PPP1R12A: variants seen among roughly 807,000 people sequenced by gnomAD.
PPP1R12A encodes protein phosphatase 1 regulatory subunit 12A, also known as myosin binding subunit.
PPP1R12A carries 19 observed loss-of-function variants against 139.6 expected under a neutral mutation model. The observed-to-expected ratio is 0.14, with a 90% CI of 0.09 to 0.20. The LOEUF (loss-of-function observed/expected upper bound fraction) is 0.20. PPP1R12A is among the 10% of genes least tolerant of loss of function. PPP1R12A has a pLI of 1.00. For missense variants in PPP1R12A, 925 were observed against 1,211.5 expected (o/e 0.76, Z 3.51); for synonymous variants, 427 against 420.6 (o/e 1.02, Z -0.19).
At chr12:79,911,735 G>A (rs776940543) in intron 1 of PPP1R12A, among the ~76,000 whole-genome samples, 2 of 150,076 alleles carry the variant, frequency 1.3e-5, no homozygotes, top group Non-Finnish European at 3.0e-5. Context: ...ACCAGCTTTC[G>A]ACTGAAAAGC....
intron 2 of PPP1R12A, among the ~76,000 whole-genome samples, chr12:79,864,407 C>T (rs1357101538): frequency 1.3e-5 from 2 of 152,010 alleles, no homozygotes; most frequent in Non-Finnish European, 2.9e-5. Context: ...AAAACTGACA[C>T]CCTAATATCA....
At chr12:79,927,312 G>C (rs528428664) in intron 1 of PPP1R12A, among the ~76,000 whole-genome samples, 6 of 152,298 alleles carry the variant, frequency 3.9e-5, no homozygotes, top group African/African-American at 1.4e-4. Flanking sequence ...GAAAAAAGGA[G>C]TGTTTCTTGT....
At chr12:79,864,630 T>C (rs1401152283) in intron 2 of PPP1R12A, among the ~76,000 whole-genome samples, 1 of 152,158 alleles carries the variant, frequency 6.6e-6, no homozygotes, top group Non-Finnish European at 1.5e-5. Flanking sequence ...TAAAAAATGA[T>C]GAAGTGGTCA....
chr12:79,887,722 C>A (rs181174612), intron 1 of PPP1R12A, among the ~76,000 whole-genome samples: 1 of 151,910 alleles, frequency 6.6e-6, no homozygotes, highest in African/African-American at 2.4e-5. Flanking sequence ...TATACTAATG[C>A]GAAAATTTTA....
chr12:79,876,294 G>C (rs1883094775), intron 1 of PPP1R12A, among the ~76,000 whole-genome samples: 1 of 152,136 alleles, frequency 6.6e-6, no homozygotes, highest in African/African-American at 2.4e-5. Flanking sequence ...CCCACTCCCA[G>C]AATGAGCGTT....
chr12:79,817,346 T>C, intron 9 of PPP1R12A, 48 bp downstream of exon 9: 1 of 1,558,326 alleles, frequency 6.4e-7, no homozygotes, highest in East Asian at 2.3e-5. Flanking sequence ...GTCCAAGTGG[T>C]ACATAAATAG....
chr12:79,890,795 T>C (rs775450175), intron 1 of PPP1R12A, among the ~76,000 whole-genome samples: 2 of 151,874 alleles, frequency 1.3e-5, no homozygotes, highest in African/African-American at 4.8e-5. Flanking sequence ...AGCATACACA[T>C]AGATAAATTT....
chr12:79,846,492 T>C (rs1879414392), intron 2 of PPP1R12A, among the ~76,000 whole-genome samples: 2 of 151,904 alleles, frequency 1.3e-5, no homozygotes, highest in Admixed American at 1.3e-4. Context: ...TGCAGCGGCG[T>C]AATCTCTGCT....
At chr12:79,906,588 T>C (rs1468598232) in intron 1 of PPP1R12A, among the ~76,000 whole-genome samples, 1 of 151,380 alleles carries the variant, frequency 6.6e-6, no homozygotes, top group Non-Finnish European at 1.5e-5. Flanking sequence ...AAAGTGCTGG[T>C]TTATTTATTC....
chr12:79,795,787 AT>A (rs748685494), intron 17 of PPP1R12A, 28 bp from the exon 18 acceptor site: 1 of 1,594,296 alleles, frequency 6.3e-7, no homozygotes. Flanking sequence ...GAACCACAAT[AT>A]AGCAATATAT....
rs148016061 is a variant in PPP1R12A at position 79,845,570 on chromosome 12, G to A, written c.369-150C>T. The A allele has an allele frequency of 3.0e-3, 1,761 of 588,606 alleles. 32 individuals carry two copies. In the African/African-American group the frequency reaches 0.03, roughly 10 times the overall value. 36.5% of individuals were successfully genotyped at this position (588,606 alleles called of 1,614,324 possible). A position where few individuals can be genotyped will look rare whatever the true frequency, so the allele number is the denominator to read the frequency against. ...ATTTTAAAAAACTATCAGGCCAGGC[G>A]CAGTGGCTCACGCCTGTAATCCCAG... On this transcript the variant is annotated intron_variant, in intron 2 of 24. Coordinates refer to ENST00000450142, the MANE Select transcript of PPP1R12A (RefSeq NM_002480.3).
At chr12:79,886,906 C>T (rs1565797922) in intron 1 of PPP1R12A, among the ~76,000 whole-genome samples, 1 of 152,018 alleles carries the variant, frequency 6.6e-6, no homozygotes, top group Non-Finnish European at 1.5e-5. Context: ...TAAAGTAGTA[C>T]ATTGAACCTA....
Position 79,935,056 on chromosome 12 carries a change from C to G in PPP1R12A, c.-125G>C. 4.3e-6 allele frequency: 6 copies of G among 1,405,358 alleles called. No homozygotes were observed. The highest frequency in any genetic ancestry group is 5.5e-6 in the Non-Finnish European group (6 of 1,081,616). The allele number at this position is 1,405,358 out of a possible 1,614,324, so 87.1% of individuals were successfully genotyped here. On this transcript the variant is annotated 5_prime_UTR_variant, in exon 1 of 25. Coordinates refer to ENST00000450142, the MANE Select transcript of PPP1R12A (RefSeq NM_002480.3). ...TGCGGGCCAGAGGAGGGCTGGGAAC[C>G]CGGAGCCGACGCTCGAGACTTCCAG... is the stretch of plus-strand genomic sequence containing the variant.
intron 1 of PPP1R12A, among the ~76,000 whole-genome samples, chr12:79,888,045 T>TA (rs2137409434): frequency 6.6e-6 from 1 of 152,204 alleles, no homozygotes; most frequent in East Asian, 1.9e-4. Context: ...AAGTGGGCCA[T>TA]AAAGAGAACA....
chr12:79,852,171 T>A (rs1471300808), intron 2 of PPP1R12A, among the ~76,000 whole-genome samples: 1 of 151,526 alleles, frequency 6.6e-6, no homozygotes, highest in Non-Finnish European at 1.5e-5. Flanking sequence ...GTTCCTAGTA[T>A]GACAATTTTT....
intron 6 of PPP1R12A, 60 bp from the exon 7 acceptor site, chr12:79,821,226 G>T: frequency 8.4e-7 from 1 of 1,186,626 alleles, no homozygotes; most frequent in Non-Finnish European, 1.2e-6. Flanking sequence ...TTACTAAGAT[G>T]CAGAGTTTAA....
At chr12:79,845,235 A>C (rs1879239376) in intron 3 of PPP1R12A, 67 bp downstream of exon 3, 20 of 1,246,016 alleles carry the variant, frequency 1.6e-5, no homozygotes, top group Non-Finnish European at 1.6e-5. Context: ...GTCAACAAAT[A>C]TTTTTGCTGG....
At chr12:79,849,022 A>G (rs867136671) in intron 2 of PPP1R12A, 1 of 151,998 alleles carries the variant, frequency 6.6e-6, no homozygotes, top group South Asian at 2.1e-4. Flanking sequence ...ACTTAACTAA[A>G]ATCTAATTTA....
At chr12:79,845,479 A>C in intron 2 of PPP1R12A, 59 bp from the exon 3 acceptor site, 2 of 1,208,224 alleles carry the variant, frequency 1.7e-6, no homozygotes, top group Non-Finnish European at 2.4e-6. Flanking sequence ...ATAAAACTAA[A>C]TGCATAACCA....
Sources: gnomAD v4.1 joint callset for allele counts (sites outside exome capture counted in the v4.1 genomes callset) on GRCh38, gnomAD v4.1.1 for gene constraint, MANE v1.5 for transcripts, NCBI Gene and HGNC (gene_info 2026-07-23, HGNC 2026-07-21) for gene names.